STK35: variants seen among roughly 807,000 people sequenced by gnomAD.
The protein encoded by STK35 is serine/threonine kinase 35.
Under a neutral mutation model 37.3 loss-of-function variants are expected in STK35, and 17 were observed. The observed-to-expected ratio is 0.46, with a 90% CI of 0.31 to 0.68. The LOEUF (loss-of-function observed/expected upper bound fraction) is 0.68, where lower values mean the gene tolerates loss of function less well. STK35 is among the 30% of genes least tolerant of loss of function. The probability of loss-of-function intolerance (pLI) is 0.05; values close to 1 mark genes in which losing one functional copy is unlikely to be tolerated. For missense variants in STK35, 595 were observed against 746.7 expected, an observed-to-expected ratio of 0.80 and a Z score of 2.37; for synonymous variants, 385 against 319.1, an observed-to-expected ratio of 1.21 and a Z score of -2.20.
At chr20:2,127,313 G>A (rs1985923521) in intron 3 of STK35, among the ~76,000 whole-genome samples, 2 of 151,674 alleles carry the variant, frequency 1.3e-5, no homozygotes, top group African/African-American at 4.8e-5. Flanking sequence ...CAGAAAGCTA[G>A]GCATGCCTAG....
chr20:2,107,146 C>CA (rs1167560302), intron 2 of STK35, among the ~76,000 whole-genome samples: 2 of 152,204 alleles, frequency 1.3e-5, no homozygotes, highest in Non-Finnish European at 2.9e-5. Context: ...GTGCCTAAAA[C>CA]AAAGTTCAAG....
chr20:2,111,182 G>T (rs1267685966), intron 2 of STK35, among the ~76,000 whole-genome samples: 3 of 152,148 alleles, frequency 2.0e-5, no homozygotes, highest in African/African-American at 7.2e-5. Flanking sequence ...TGATAAGTCA[G>T]TCGGCCACTA....
chr20:2,121,133 A>T (rs1010499308), intron 3 of STK35, among the ~76,000 whole-genome samples: 3 of 152,178 alleles, frequency 2.0e-5, no homozygotes, highest in African/African-American at 7.2e-5. Context: ...TAGGCCTCGT[A>T]AGCCTCTAGA....
intron 2 of STK35, among the ~76,000 whole-genome samples, chr20:2,109,215 T>TA (rs1985572473): frequency 6.6e-6 from 1 of 152,140 alleles, no homozygotes; most frequent in Admixed American, 6.5e-5. Context: ...GAATGTGGAC[T>TA]AAATCTGGGG....
chr20:2,105,711 A>ATG (rs1414776704), intron 2 of STK35, among the ~76,000 whole-genome samples: 1 of 151,938 alleles, frequency 6.6e-6, no homozygotes, highest in Non-Finnish European at 1.5e-5. Flanking sequence ...ACTGCCTTAT[A>ATG]TAAGTTCACA....
At chr20:2,102,602 C>T (rs1450909633) in intron 1 of STK35, among the ~76,000 whole-genome samples, 166 bp from the exon 2 acceptor site, 1 of 152,216 alleles carries the variant, frequency 6.6e-6, no homozygotes, top group African/African-American at 2.4e-5. Context: ...CCCAGTGGTT[C>T]GGTCTTTCCC....
At chr20:2,115,015 C>T (rs886180963) in intron 2 of STK35, among the ~76,000 whole-genome samples, 1 of 152,148 alleles carries the variant, frequency 6.6e-6, no homozygotes, top group Non-Finnish European at 1.5e-5. Context: ...GGCCTCTGCC[C>T]ATGACCTAGA....
chr20:2,133,443 C>A (rs1986032935), intron 3 of STK35, among the ~76,000 whole-genome samples: 1 of 152,234 alleles, frequency 6.6e-6, no homozygotes, highest in Admixed American at 6.5e-5. Context: ...AGGGTATCCA[C>A]ACAGCTAACT....
chr20:2,142,429 C>CG (rs1986187281), intron 3 of STK35, among the ~76,000 whole-genome samples: 1 of 152,174 alleles, frequency 6.6e-6, no homozygotes, highest in Non-Finnish European at 1.5e-5. Context: ...ATGGCAGCCA[C>CG]GGTGCTGGCT....
intron 2 of STK35, among the ~76,000 whole-genome samples, chr20:2,103,587 G>C (rs955170829): frequency 6.6e-6 from 1 of 152,192 alleles, no homozygotes; most frequent in Non-Finnish European, 1.5e-5. Context: ...TCCATAACAA[G>C]AGCTCGTTTA....
At chr20:2,124,459 A>G (rs182421408) in intron 3 of STK35, among the ~76,000 whole-genome samples, 1 of 152,226 alleles carries the variant, frequency 6.6e-6, no homozygotes, top group East Asian at 1.9e-4. Flanking sequence ...GAAAAGGGAA[A>G]CGCTAAGCTG....
intron 3 of STK35, among the ~76,000 whole-genome samples, chr20:2,120,243 G>A (rs970381273): frequency 2.0e-5 from 3 of 152,222 alleles, no homozygotes; most frequent in Non-Finnish European, 4.4e-5. Context: ...GGGCTTCCAT[G>A]TGGATATCCA....
chr20:2,102,503 G>C (rs1985413993), intron 1 of STK35, among the ~76,000 whole-genome samples: 1 of 152,216 alleles, frequency 6.6e-6, no homozygotes, highest in African/African-American at 2.4e-5. Context: ...AAGCTTGCTG[G>C]CTCTTCTTTT....
At position 2,116,760 on chromosome 20, in the gene STK35, C is replaced by G. The variant is rs768051815; in HGVS notation, c.987C>G (p.Ser329=). ...EGGDLNQYVL[S]RRPDPATNKS... is the part of the protein sequence containing the mutation. The stretch of plus-strand genomic sequence containing the variant: ...GAGACCTGAATCAGTATGTCCTGTC[C>G]CGGAGGCCAGACCCAGCCACCAACA... The change falls in exon 3 of 4, where the codon TCC becomes TCG. Residue 329 remains serine (S), a synonymous_variant. Transcript: ENST00000381482. 1.9e-6 allele frequency: 3 copies of G among 1,614,102 alleles called. No individual in the cohort carries two copies. Among genetic ancestry groups the G allele is most frequent in the Non-Finnish European group, 2.5e-6 (3 of 1,180,020 alleles).
rs2122601630 is a variant in STK35 at position 2,147,644 on chromosome 20, A to G, written c.*3898A>G. The stretch of plus-strand genomic sequence containing the variant: ...GCAGCTCCCACTTTCCATCCTGCCC[A>G]TACGCCCCTCTTCCCCCGACATCTG... On this transcript the variant is annotated 3_prime_UTR_variant, in exon 4 of 4. Coordinates refer to ENST00000381482, the MANE Select transcript of STK35 (RefSeq NM_080836.4). 2 of 152,560 alleles carry G rather than the reference A, an allele frequency of 1.3e-5. No homozygotes were observed. Among genetic ancestry groups the G allele is most frequent in the South Asian group, 2.1e-4 (1 of 4,814 alleles). 9.5% of individuals were successfully genotyped at this position (152,560 alleles called of 1,614,324 possible). A position where few individuals can be genotyped will look rare whatever the true frequency, so the allele number is the denominator to read the frequency against.
intron 3 of STK35, among the ~76,000 whole-genome samples, chr20:2,123,107 A>G (rs543058006): frequency 6.6e-6 from 1 of 152,192 alleles, no homozygotes; most frequent in Non-Finnish European, 1.5e-5. Flanking sequence ...GGGAATCTGC[A>G]TTCATGGCCA....
At chr20:2,116,130 TGGATC>T (rs1032045804) in intron 2 of STK35, among the ~76,000 whole-genome samples, 1 of 152,096 alleles carries the variant, frequency 6.6e-6, no homozygotes, top group African/African-American at 2.4e-5. Flanking sequence ...AAAATATTGA[TGGATC>T]GGACTGTGCC....
Position 2,117,983 on chromosome 20 carries a change from G to A in STK35, c.*37+568G>A, listed in dbSNP as rs181758592. 1.8e-4 allele frequency among the ~76,000 whole-genome samples: 28 copies of A among 152,194 alleles called. No individual in the cohort carries two copies. The highest frequency in any genetic ancestry group is 3.3e-4 in the Admixed American group (5 of 15,288). On this transcript the variant is annotated intron_variant, in intron 3 of 3. Coordinates refer to ENST00000381482, the MANE Select transcript of STK35 (RefSeq NM_080836.4). The surrounding 1 kb of genome is among the most constrained non-coding windows in gnomAD (Gnocchi z 4.4). Reference sequence around the variant, plus strand: ...GCCGAGTCTCCCTTTTTTTAGAAACGCTCTTTCTCATCATTATAAATGCTC... The same window carrying A: ...GCCGAGTCTCCCTTTTTTTAGAAACACTCTTTCTCATCATTATAAATGCTC...
chr20:2,102,682 G>T, intron 1 of STK35, 86 bp from the exon 2 acceptor site: 1 of 1,227,440 alleles, frequency 8.1e-7, no homozygotes, highest in African/African-American at 1.6e-5. Context: ...CGGCGGCCGG[G>T]GGAGGAGGAG....
Sources: allele counts gnomAD v4.1 joint callset (sites outside exome capture counted in the v4.1 genomes callset), GRCh38; gene constraint gnomAD v4.1.1; non-coding constraint Gnocchi (gnomAD v3.1); transcripts MANE v1.5; gene names NCBI Gene and HGNC (gene_info 2026-07-23, HGNC 2026-07-21).